ASIC2: variants seen among roughly 807,000 people sequenced by gnomAD.
ASIC2 encodes acid-sensing ion channel 2.
A neutral mutation model predicts 57.3 loss-of-function variants in ASIC2; 25 were observed. The observed-to-expected ratio is 0.44, with a 90% CI of 0.32 to 0.61. The LOEUF (loss-of-function observed/expected upper bound fraction) is 0.61, where lower values mean the gene tolerates loss of function less well. Ranked by LOEUF, ASIC2 falls within the 20% of genes least tolerant of loss-of-function variation. The pLI, the probability that ASIC2 is intolerant of heterozygous loss-of-function variation, is 0.06. For synonymous variants in ASIC2, 319 were observed against 307.5 expected, an observed-to-expected ratio of 1.04 and a Z score of -0.39; for missense variants, 641 against 738.1, an observed-to-expected ratio of 0.87 and a Z score of 1.52.
chr17:33,217,383 T>C (rs1223020572), intron 1 of ASIC2, among the ~76,000 whole-genome samples: 2 of 152,212 alleles, frequency 1.3e-5, no homozygotes, highest in African/African-American at 4.8e-5. Context: ...TTTTGTATAT[T>C]TGTGAAATGC....
chr17:33,082,699 CA>C (rs756202821), intron 3 of ASIC2, among the ~76,000 whole-genome samples: 124 of 96,728 alleles, frequency 1.3e-3, no homozygotes, highest in Admixed American at 1.9e-3. Context: ...ACTCTGTCTC[CA>C]AAAATAAATA....
intron 1 of ASIC2, among the ~76,000 whole-genome samples, chr17:33,661,140 C>A (rs990057531): frequency 1.3e-5 from 2 of 152,194 alleles, no homozygotes. Context: ...CACAGCCGTA[C>A]CTTCCTTTCC....
At chr17:33,868,349 T>G (rs1914301155) in intron 1 of ASIC2, among the ~76,000 whole-genome samples, 1 of 152,134 alleles carries the variant, frequency 6.6e-6, no homozygotes, top group African/African-American at 2.4e-5. Context: ...TGTGTTCCAA[T>G]GAAACTTTAT....
chr17:34,030,856 A>C (rs570434040), intron 1 of ASIC2, among the ~76,000 whole-genome samples: 1 of 152,374 alleles, frequency 6.6e-6, no homozygotes, highest in African/African-American at 2.4e-5. Flanking sequence ...GTAAACAAAG[A>C]GGCCAGGAAG....
chr17:33,104,601 A>C (rs948948468), intron 2 of ASIC2, among the ~76,000 whole-genome samples: 3 of 152,216 alleles, frequency 2.0e-5, no homozygotes, highest in Admixed American at 1.3e-4. Flanking sequence ...ACTGCGCTAA[A>C]GCTTTCATTC....
intron 1 of ASIC2, among the ~76,000 whole-genome samples, chr17:33,420,812 A>G (rs1023864851): frequency 6.6e-6 from 1 of 152,206 alleles, no homozygotes; most frequent in Non-Finnish European, 1.5e-5. Context: ...TTTAAGCCCA[A>G]AAGAGCTCAC....
intron 1 of ASIC2, among the ~76,000 whole-genome samples, chr17:33,217,226 A>G (rs994873741): frequency 2.0e-5 from 3 of 152,180 alleles, no homozygotes; most frequent in Non-Finnish European, 2.9e-5. Context: ...GGTTACCCCA[A>G]ATGGATGTGG....
chr17:33,964,336 G>C (rs1392318244), intron 1 of ASIC2, among the ~76,000 whole-genome samples: 1 of 152,224 alleles, frequency 6.6e-6, no homozygotes, highest in African/African-American at 2.4e-5. Flanking sequence ...GCTCAGACCA[G>C]CTCAAGTTTA....
chr17:33,056,984 G>T (rs528006169), intron 3 of ASIC2, among the ~76,000 whole-genome samples: 48 of 152,256 alleles, frequency 3.2e-4, no homozygotes, highest in African/African-American at 1.1e-3. Context: ...AACATCAACA[G>T]GCCCAGTGTG....
intron 1 of ASIC2, among the ~76,000 whole-genome samples, chr17:33,564,066 G>C (rs981700402): frequency 6.6e-6 from 1 of 152,198 alleles, no homozygotes; most frequent in African/African-American, 2.4e-5. Context: ...CCTGTGGTGG[G>C]AGGAGCACCG....
At chr17:33,048,324 TG>T (rs894023245) in intron 3 of ASIC2, among the ~76,000 whole-genome samples, 13 of 152,312 alleles carry the variant, frequency 8.5e-5, no homozygotes, top group African/African-American at 2.9e-4. Context: ...ATCTCTCTCA[TG>T]GACAGGCACA....
intron 1 of ASIC2, among the ~76,000 whole-genome samples, chr17:33,253,540 T>C (rs1908955650): frequency 6.6e-6 from 1 of 152,214 alleles, no homozygotes; most frequent in Non-Finnish European, 1.5e-5. Flanking sequence ...TTTTTCCTAC[T>C]TATTACTACA....
intron 1 of ASIC2, among the ~76,000 whole-genome samples, chr17:33,282,444 T>G (rs930588303): frequency 8.2e-6 from 1 of 121,706 alleles, no homozygotes; most frequent in African/African-American, 3.0e-5. Flanking sequence ...TTTCTCCAAC[T>G]CTGTGTGTAT....
rs147608525 is a variant in ASIC2, at chr17:33,318,754, C to A, written c.556-206687G>T. Reference sequence around the variant, plus strand: ...AAGGCACCCTGGGGATAAATGGTAGCTTCCCATCTCTTACAATGGTTGGGG... The same window carrying A: ...AAGGCACCCTGGGGATAAATGGTAGATTCCCATCTCTTACAATGGTTGGGG... On this transcript the variant is annotated intron_variant, in intron 1 of 9. Transcript: ENST00000359872. 3.4e-3 allele frequency among the ~76,000 whole-genome samples: 522 copies of A among 152,296 alleles called. 3 individuals carry two copies. Among genetic ancestry groups the A allele is most frequent in the Non-Finnish European group, 4.9e-3 (336 of 68,032 alleles).
chr17:33,445,402 G>A (rs943938161), intron 1 of ASIC2, among the ~76,000 whole-genome samples: 2 of 152,202 alleles, frequency 1.3e-5, no homozygotes, highest in African/African-American at 4.8e-5. Context: ...CTGCACTCCA[G>A]CCTGGGTGAC....
chr17:33,656,059 C>T (rs1413697547), intron 1 of ASIC2, among the ~76,000 whole-genome samples: 1 of 152,050 alleles, frequency 6.6e-6, no homozygotes, highest in African/African-American at 2.4e-5. Flanking sequence ...GTAACATTTA[C>T]CCCAGAAGAG....
At chr17:33,262,633 C>G (rs1294754496) in intron 1 of ASIC2, among the ~76,000 whole-genome samples, 2 of 152,194 alleles carry the variant, frequency 1.3e-5, no homozygotes, top group Non-Finnish European at 2.9e-5. Context: ...CACACATAAT[C>G]TATGTGTCCA....
At chr17:33,212,712 C>G (rs968580573) in intron 1 of ASIC2, among the ~76,000 whole-genome samples, 1 of 152,222 alleles carries the variant, frequency 6.6e-6, no homozygotes, top group Non-Finnish European at 1.5e-5. Context: ...TTGGCTCTCT[C>G]TAAGCACAGG....
Position 33,291,470 on chromosome 17 carries a change from C to G in ASIC2, c.646G>C (p.Glu216Gln), listed in dbSNP as rs1432080665. 1.2e-6 allele frequency: 2 copies of G among 1,612,352 alleles called. No homozygotes were observed. The highest frequency in any genetic ancestry group is 4.5e-5 in the East Asian group (2 of 44,826). The change falls in exon 1 of 10, where the codon GAG (glutamate) becomes CAG (glutamine). Residue 216 changes from glutamate (E) to glutamine (Q), a missense_variant. By Grantham distance (29) the Glu-to-Gln change is conservative. This residue lies in a region of ASIC2 where 382 missense variants were observed against 398.0 expected (regional missense o/e 0.96). Coordinates refer to ENST00000225823, the MANE Select transcript of ASIC2 (RefSeq NM_183377.2). ...TACTTGCAGGAGAGCAGCATGTCCT[C>G]CAGCTGGTGGCCCAGGCGGTCCATG... ...AFMDRLGHQLEDMLLSCKYRG... is the reference protein window; with the variant it reads ...AFMDRLGHQLQDMLLSCKYRG...
Sources: gnomAD v4.1 joint callset for allele counts (sites outside exome capture counted in the v4.1 genomes callset) on GRCh38, gnomAD v4.1.1 for gene constraint, gnomAD v4.1.1 regional missense constraint, MANE v1.5 for transcripts, NCBI Gene and HGNC (gene_info 2026-07-23, HGNC 2026-07-21) for gene names.